Variants in WDR1 observed in about 807,000 individuals in gnomAD.
WDR1 encodes WD repeat domain 1.
WDR1 carries 21 observed loss-of-function variants against 71.9 expected under a neutral mutation model. The observed-to-expected ratio is 0.29, with a 90% CI of 0.21 to 0.42. WDR1 has a LOEUF of 0.42. Among genes scored for constraint, WDR1 ranks in the 10% least tolerant of loss-of-function variants. WDR1 has a pLI of 1.00. For missense variants in WDR1, 696 were observed against 824.5 expected, an observed-to-expected ratio of 0.84 and a Z score of 1.91; for synonymous variants, 424 against 347.4, an observed-to-expected ratio of 1.22 and a Z score of -2.45.
chr4:10,091,031 G>A (rs535807092), intron 5 of WDR1, among the ~76,000 whole-genome samples: 46 of 152,344 alleles, frequency 3.0e-4, no homozygotes, highest in Admixed American at 2.0e-3. Context: ...TGGGGCTGGC[G>A]AGCCCTTTGC....
intron 5 of WDR1, chr4:10,092,923 G>T: frequency 1.8e-6 from 1 of 553,342 alleles, no homozygotes; most frequent in Non-Finnish European, 3.1e-6. Flanking sequence ...AACTGACGGT[G>T]TCCGGTCCAC....
intron 2 of WDR1, among the ~76,000 whole-genome samples, chr4:10,114,072 A>C (rs964945020): frequency 1.3e-5 from 2 of 152,170 alleles, no homozygotes; most frequent in African/African-American, 4.8e-5. Context: ...TTGCCCTAAA[A>C]AAAATCGTAC....
chr4:10,077,588 C>A (rs1764847305), intron 13 of WDR1, 140 bp from the exon 14 acceptor site: 2 of 1,484,760 alleles, frequency 1.3e-6, no homozygotes, highest in Non-Finnish European at 1.8e-6. Flanking sequence ...CCCCTGCAAA[C>A]CCACTGACTC....
chr4:10,107,865 G>A (rs78033963), intron 2 of WDR1, among the ~76,000 whole-genome samples: 1 of 152,136 alleles, frequency 6.6e-6, no homozygotes, highest in East Asian at 1.9e-4. Context: ...GCCAACACAG[G>A]GCCTGGTTCA....
intron 1 of WDR1, 53 bp from the exon 2 acceptor site, chr4:10,116,287 G>C (rs779006756): frequency 1.9e-6 from 3 of 1,609,634 alleles, no homozygotes; most frequent in African/African-American, 1.3e-5. Flanking sequence ...GGGACGGCGG[G>C]GACAGAAGGG....
intron 3 of WDR1, among the ~76,000 whole-genome samples, chr4:10,102,363 A>G (rs1194068343): frequency 2.0e-5 from 3 of 152,212 alleles, no homozygotes; most frequent in Non-Finnish European, 2.9e-5. Context: ...CTGGAAACTT[A>G]ATCCCCAATG....
In WDR1 at chr4:10,075,134, G is replaced by C; in HGVS notation, c.*244C>G. On this transcript the variant is annotated 3_prime_UTR_variant, in exon 15 of 15. Coordinates refer to ENST00000499869, the MANE Select transcript of WDR1 (RefSeq NM_017491.5). Reference sequence around the variant, plus strand: ...AGGTTTGGTTGGGCTGTGGGTTTTAGTTATGCTCCACACATTGTTTAGGTG... The same window carrying C: ...AGGTTTGGTTGGGCTGTGGGTTTTACTTATGCTCCACACATTGTTTAGGTG... 1 of 508,882 alleles carries C rather than the reference G, an allele frequency of 2.0e-6. No individual in the cohort carries two copies. Among genetic ancestry groups the C allele is most frequent in the South Asian group, 3.4e-5 (1 of 29,114 alleles). The allele number at this position is 508,882 out of a possible 1,614,324, so 31.5% of individuals were successfully genotyped here.
Position 10,088,739 on chromosome 4 carries a change from G to C in WDR1, c.561C>G (p.Asp187Glu), listed in dbSNP as rs748941454. ...GCACACAGTTGACAAAGCGGCTGTG[G>C]TCCTGCAGGAAAACAATTACCTGCC... is the stretch of plus-strand genomic sequence containing the variant. ...PPFKFKFTIG[D>E]HSRFVNCVRF... Residue 187 changes from aspartate (D) to glutamate (E), a missense_variant and splice_region_variant, in exon 6 of 15, where the codon GAC (aspartate) becomes GAG (glutamate). Asp to Glu is a conservative substitution (Grantham distance 45). Coordinates refer to ENST00000499869, the MANE Select transcript of WDR1 (RefSeq NM_017491.5). 6.3e-7 allele frequency: 1 copy of C among 1,595,884 alleles called. No homozygotes were observed. Among genetic ancestry groups the C allele is most frequent in the Admixed American group, 1.7e-5 (1 of 57,668 alleles).
intron 3 of WDR1, among the ~76,000 whole-genome samples, chr4:10,100,913 C>T (rs1302058148): frequency 2.0e-5 from 3 of 152,248 alleles, no homozygotes; most frequent in Non-Finnish European, 4.4e-5. Context: ...CATGTGACCA[C>T]GTGGTCTGCT....
At chr4:10,113,769 T>C (rs1713536187) in intron 2 of WDR1, among the ~76,000 whole-genome samples, 1 of 152,244 alleles carries the variant, frequency 6.6e-6, no homozygotes, top group Non-Finnish European at 1.5e-5. Context: ...AAGGATTTAC[T>C]AAAATTAAAA....
Position 10,103,949 on chromosome 4 carries a change from T to C in WDR1, c.176A>G (p.His59Arg). The change falls in exon 3 of 15, where the codon CAT (histidine) becomes CGT (arginine). Residue 59 changes from histidine (H) to arginine (R), a missense_variant. By Grantham distance (29) the His-to-Arg change is conservative. Coordinates refer to ENST00000499869, the MANE Select transcript of WDR1 (RefSeq NM_017491.5). ...CGCATACTTGGCCACCACCACCTGA[T>C]GGGCGTGCTCTGTGTAGATGTCAGC... ...ALADIYTEHAHQVVVAKYAPS... is the reference protein window; with the variant it reads ...ALADIYTEHARQVVVAKYAPS... 6.2e-7 allele frequency: 1 copy of C among 1,603,320 alleles called. No homozygotes were observed. Among genetic ancestry groups the C allele is most frequent in the South Asian group, 1.1e-5 (1 of 88,524 alleles).
intron 3 of WDR1, among the ~76,000 whole-genome samples, chr4:10,102,291 A>G (rs184607731): frequency 6.6e-6 from 1 of 152,226 alleles, no homozygotes; most frequent in African/African-American, 2.4e-5. Flanking sequence ...GAGTTACTCA[A>G]CTAAGGCTAC....
chr4:10,089,800 T>C (rs754034567), intron 5 of WDR1, among the ~76,000 whole-genome samples: 10 of 152,330 alleles, frequency 6.6e-5, no homozygotes, highest in Admixed American at 1.3e-4. Context: ...TTTTAAAGCA[T>C]GAGCTACCTG....
At position 10,077,798 on chromosome 4, in the gene WDR1, G is replaced by A. The variant is rs370883915; in HGVS notation, c.1524C>T (p.Asp508=). 88 of 1,603,802 alleles carry A rather than the reference G, an allele frequency of 5.5e-5. No homozygotes were observed. The highest frequency in any genetic ancestry group is 7.0e-5 in the Non-Finnish European group (82 of 1,175,474). Residue 508 remains aspartate (D), a synonymous_variant, in exon 13 of 15, where the codon GAC becomes GAT. Transcript: ENST00000499869. ...SHDGAFLAVC[D]ASKVVTVFSV... ...TGAACACTGTGACCACCTTGCTGGCGTCGCACACCGCGAGGAAGGCGCCGT... is the reference window on the plus strand; with the variant it reads ...TGAACACTGTGACCACCTTGCTGGCATCGCACACCGCGAGGAAGGCGCCGT...
intron 5 of WDR1, among the ~76,000 whole-genome samples, chr4:10,097,210 G>A (rs888891519): frequency 2.0e-5 from 3 of 152,286 alleles, no homozygotes; most frequent in African/African-American, 4.8e-5. Context: ...CCCAAAGCCT[G>A]CCGCATTTCT....
chr4:10,110,639 CTG>C (rs1713295315), intron 2 of WDR1, among the ~76,000 whole-genome samples: 1 of 152,236 alleles, frequency 6.6e-6, no homozygotes. Flanking sequence ...TGTCCCCGCT[CTG>C]TGGCACAGCT....
rs1172723365 is a variant in WDR1, at chr4:10,116,709, G to C, written c.-43C>G. 4 of 1,329,918 alleles carry C rather than the reference G, an allele frequency of 3.0e-6. No individual in the cohort carries two copies. The highest frequency in any genetic ancestry group is 6.4e-5 in the East Asian group (2 of 31,196). 82.4% of individuals were successfully genotyped at this position (1,329,918 alleles called of 1,614,324 possible). ...CGCGCCGCGCTCGCCGAGAGCCTCC[G>C]GGGCCGGCCCGCGCTGCGAATTACA... On this transcript the variant is annotated 5_prime_UTR_variant, in exon 1 of 15. Coordinates refer to ENST00000499869, the MANE Select transcript of WDR1 (RefSeq NM_017491.5).
intron 3 of WDR1, 37 bp from the exon 4 acceptor site, chr4:10,099,176 G>T: frequency 8.4e-7 from 1 of 1,190,186 alleles, no homozygotes; most frequent in South Asian, 1.3e-5. Context: ...GGGGGAGGCG[G>T]TGGTGGGGTA....
chr4:10,116,699 G>A lies in WDR1; in HGVS notation c.-33C>T. 7.4e-7 allele frequency: 1 copy of A among 1,350,058 alleles called. No individual in the cohort carries two copies. Among genetic ancestry groups the A allele is most frequent in the South Asian group, 1.7e-5 (1 of 57,838 alleles). 83.6% of individuals were successfully genotyped at this position (1,350,058 alleles called of 1,614,324 possible). On this transcript the variant is annotated 5_prime_UTR_variant, in exon 1 of 15. Transcript: ENST00000499869. ...CACTTGTTACCGCGCCGCGCTCGCCGAGAGCCTCCGGGGCCGGCCCGCGCT... is the reference window on the plus strand; with the variant it reads ...CACTTGTTACCGCGCCGCGCTCGCCAAGAGCCTCCGGGGCCGGCCCGCGCT...
Sources: allele counts gnomAD v4.1 joint callset (sites outside exome capture counted in the v4.1 genomes callset), GRCh38; gene constraint gnomAD v4.1.1; transcripts MANE v1.5; gene names NCBI Gene and HGNC (gene_info 2026-07-23, HGNC 2026-07-21).